RNF121: variants seen among roughly 807,000 people sequenced by gnomAD.
RNF121 encodes the protein E3 ubiquitin ligase RNF121.
Under a neutral mutation model 46.5 loss-of-function variants are expected in RNF121, and 21 were observed. The observed-to-expected ratio is 0.45, with a 90% CI of 0.32 to 0.65. The LOEUF (loss-of-function observed/expected upper bound fraction) is 0.65. RNF121 is among the 30% of genes least tolerant of loss of function. The pLI, the probability that RNF121 is intolerant of heterozygous loss-of-function variation, is 0.04. For synonymous variants in RNF121, 139 were observed against 144.7 expected (o/e 0.96, Z 0.28); for missense variants, 346 against 416.0 (o/e 0.83, Z 1.46).
chr11:71,995,496 C>T lies in RNF121; in HGVS notation c.808C>T (p.Gln270Ter), dbSNP rs1234644089. Residue 270 changes from glutamine (Q) to a stop codon, truncating the protein, a stop_gained, in exon 8 of 9, where the codon CAA (glutamine) becomes TAA (stop). Transcript: ENST00000361756. LOFTEE classifies it high-confidence loss of function. ...IRGWCIVGKK[Q>*]TCPYCKEKVD... ...TGGCTGGTGCATCGTGGGAAAGAAGCAAACGTGTCCCTACTGCAAAGAGAA... is the reference window on the plus strand; with the variant it reads ...TGGCTGGTGCATCGTGGGAAAGAAGTAAACGTGTCCCTACTGCAAAGAGAA... 1 of 1,595,490 alleles carries T rather than the reference C, an allele frequency of 6.3e-7. No individual in the cohort carries two copies. Among genetic ancestry groups the T allele is most frequent in the South Asian group, 1.1e-5 (1 of 88,388 alleles).
chr11:71,941,535 G>T (rs747247994), intron 1 of RNF121, among the ~76,000 whole-genome samples: 2 of 152,172 alleles, frequency 1.3e-5, no homozygotes, highest in African/African-American at 2.4e-5. Context: ...TGGTAAAGTA[G>T]ATAACAAATA....
chr11:71,960,771 T>G lies in RNF121; in HGVS notation c.123T>G (p.His41Gln). The stretch of plus-strand genomic sequence containing the variant: ...TCAGGGTCGAGCACGCACGCATGCA[T>G]GCCAAGCACCGTGGCCATGAAGCTA... ...EQWRVEHARMHAKHRGHEAMH... is the reference protein window; with the variant it reads ...EQWRVEHARMQAKHRGHEAMH... Residue 41 changes from histidine (H) to glutamine (Q), a missense_variant, in exon 3 of 9, where the codon CAT becomes CAG. Transcript: ENST00000361756. 6.2e-7 allele frequency: 1 copy of G among 1,614,070 alleles called. No homozygotes were observed. The highest frequency in any genetic ancestry group is 8.5e-7 in the Non-Finnish European group (1 of 1,179,962).
chr11:71,940,875 G>C (rs1953551859), intron 1 of RNF121, among the ~76,000 whole-genome samples: 1 of 152,252 alleles, frequency 6.6e-6, no homozygotes, highest in Non-Finnish European at 1.5e-5. Flanking sequence ...TGAGGATTAA[G>C]TTGAGTTCAA....
At chr11:71,961,985 T>TG (rs57550396) in intron 3 of RNF121, among the ~76,000 whole-genome samples, 4 of 151,480 alleles carry the variant, frequency 2.6e-5, no homozygotes, top group Non-Finnish European at 4.4e-5. Flanking sequence ...TTTTTTTTTT[T>TG]GAGACAGAGT....
At chr11:71,983,167 C>T (rs889357152) in intron 4 of RNF121, 1 of 331,354 alleles carries the variant, frequency 3.0e-6, no homozygotes, top group Admixed American at 4.8e-5. Context: ...CAAAAATAAG[C>T]AAATTGTGGT....
At chr11:71,982,958 T>A in intron 4 of RNF121, 43 bp downstream of exon 4, 1 of 1,550,800 alleles carries the variant, frequency 6.4e-7, no homozygotes, top group Non-Finnish European at 8.7e-7. Flanking sequence ...TTTCCGAAGC[T>A]AATGGGTTGG....
At chr11:71,990,040 A>G (rs1446065162) in intron 5 of RNF121, among the ~76,000 whole-genome samples, 1 of 152,226 alleles carries the variant, frequency 6.6e-6, no homozygotes, top group East Asian at 1.9e-4. Flanking sequence ...GGTAGTGGGC[A>G]TGCTTTGTGC....
chr11:71,994,967 G>T, intron 7 of RNF121, 115 bp downstream of exon 7: 2 of 1,421,908 alleles, frequency 1.4e-6, no homozygotes, highest in Non-Finnish European at 1.9e-6. Flanking sequence ...TTGAGTGTAG[G>T]AGAGCCACAA....
In RNF121 at chr11:71,969,106, C is replaced by T. The variant is rs184658369; in HGVS notation, c.243+8215C>T. Among the ~76,000 whole-genome samples the T allele has an allele frequency of 2.6e-5, 4 of 151,972 alleles. No homozygotes were observed. The East Asian group carries it at 7.8e-4, about 29-fold the overall frequency. On this transcript the variant is annotated intron_variant, in intron 3 of 8. Transcript: ENST00000361756. ...TTCACCATGTTGGTCAGGCTGGTCT[C>T]GAACTCCTGACCTCAGGTGATCCAC...
intron 3 of RNF121, among the ~76,000 whole-genome samples, chr11:71,980,982 A>G (rs80330432): frequency 0.032 from 4,948 of 152,302 alleles, 77 homozygotes; most frequent in East Asian, 0.078. Flanking sequence ...AAGATTTTAA[A>G]CTATGTTTGT....
At chr11:71,960,215 G>A (rs145066347) in intron 2 of RNF121, among the ~76,000 whole-genome samples, 1 of 152,316 alleles carries the variant, frequency 6.6e-6, no homozygotes, top group African/African-American at 2.4e-5. Context: ...AGACTTTTTA[G>A]GCTTTAACTA....
intron 4 of RNF121, among the ~76,000 whole-genome samples, chr11:71,986,155 A>G (rs527693246): frequency 6.6e-6 from 1 of 152,272 alleles, no homozygotes; most frequent in African/African-American, 2.4e-5. Flanking sequence ...CTTCTCCCTC[A>G]GAAGAAAATT....
At chr11:71,951,672 A>C (rs549098570) in intron 1 of RNF121, among the ~76,000 whole-genome samples, 13 of 151,978 alleles carry the variant, frequency 8.6e-5, no homozygotes, top group African/African-American at 2.7e-4. Flanking sequence ...GACAAAGGCT[A>C]TGAATAGACT....
chr11:71,949,489 C>G (rs527744071), intron 1 of RNF121, among the ~76,000 whole-genome samples: 53 of 152,158 alleles, frequency 3.5e-4, no homozygotes, highest in African/African-American at 1.2e-3. Flanking sequence ...CCCAGGCAGG[C>G]AGATCACTTG....
intron 3 of RNF121, among the ~76,000 whole-genome samples, chr11:71,969,593 TTCTC>T: frequency 6.6e-6 from 1 of 152,280 alleles, no homozygotes. Flanking sequence ...GACAGGGTCT[TTCTC>T]TGTCACCCAG....
At chr11:71,949,015 A>G (rs1299642143) in intron 1 of RNF121, among the ~76,000 whole-genome samples, 1 of 152,168 alleles carries the variant, frequency 6.6e-6, no homozygotes, top group African/African-American at 2.4e-5. Context: ...GTCAAAGGTT[A>G]TCCTTATCAT....
intron 1 of RNF121, among the ~76,000 whole-genome samples, chr11:71,931,127 G>C (rs902950238): frequency 6.6e-6 from 1 of 152,118 alleles, no homozygotes; most frequent in African/African-American, 2.4e-5. Flanking sequence ...GAGTCACCGC[G>C]CCCGGCTAAG....
At chr11:71,951,953 A>G (rs1294110581) in intron 1 of RNF121, among the ~76,000 whole-genome samples, 2 of 152,240 alleles carry the variant, frequency 1.3e-5, no homozygotes, top group African/African-American at 4.8e-5. Context: ...CATATGATCC[A>G]GCAATTCTGC....
chr11:71,933,665 C>T (rs1378030365), intron 1 of RNF121, among the ~76,000 whole-genome samples: 1 of 152,178 alleles, frequency 6.6e-6, no homozygotes, highest in African/African-American at 2.4e-5. Flanking sequence ...CCCGCTTGTA[C>T]TTTGTCTAGG....
Sources: allele counts gnomAD v4.1 joint callset (sites outside exome capture counted in the v4.1 genomes callset), GRCh38; gene constraint gnomAD v4.1.1; transcripts MANE v1.5; gene names NCBI Gene and HGNC (gene_info 2026-07-23, HGNC 2026-07-21).